Variants in ANTXR1 observed in about 807,000 individuals in gnomAD.
ANTXR1 encodes the protein anthrax toxin receptor 1.
Under a neutral mutation model 78.1 loss-of-function variants are expected in ANTXR1, and 19 were observed. The observed-to-expected ratio is 0.24, with a 90% confidence interval of 0.17 to 0.36. The LOEUF is 0.36. Ranked by LOEUF, ANTXR1 falls within the 10% of genes least tolerant of loss-of-function variation. The probability of loss-of-function intolerance (pLI) is 1.00; values close to 1 mark genes in which losing one functional copy is unlikely to be tolerated. For synonymous variants in ANTXR1, 273 were observed against 260.5 expected (o/e 1.05, Z -0.46); for missense variants, 518 against 718.6 (o/e 0.72, Z 3.19).
chr2:69,091,074 G>C (rs894149901), intron 9 of ANTXR1, among the ~76,000 whole-genome samples, 155 bp downstream of exon 9: 3 of 149,214 alleles, frequency 2.0e-5, no homozygotes, highest in African/African-American at 7.4e-5. Flanking sequence ...TTTGCTCCAA[G>C]GAGAAAAGGA....
chr2:69,228,331 G>A (rs573833383), intron 17 of ANTXR1, among the ~76,000 whole-genome samples: 2 of 152,312 alleles, frequency 1.3e-5, no homozygotes, highest in African/African-American at 2.4e-5. Context: ...TAAGTGTTGG[G>A]ACCCGTGGAA....
chr2:69,189,336 G>A (rs769620062), intron 16 of ANTXR1, among the ~76,000 whole-genome samples: 27 of 152,300 alleles, frequency 1.8e-4, no homozygotes, highest in African/African-American at 6.5e-4. Context: ...ATTGATAACA[G>A]CCCTTGAAAG....
intron 12 of ANTXR1, among the ~76,000 whole-genome samples, chr2:69,150,854 AC>A (rs1448162812): frequency 3.3e-5 from 5 of 152,000 alleles, no homozygotes; most frequent in Non-Finnish European, 7.4e-5. Flanking sequence ...CTCCATCTCT[AC>A]AAAAAACAAA....
At chr2:69,121,586 A>G (rs1281879062) in intron 10 of ANTXR1, among the ~76,000 whole-genome samples, 1 of 152,192 alleles carries the variant, frequency 6.6e-6, no homozygotes, top group Non-Finnish European at 1.5e-5. Context: ...AATGTCAGCT[A>G]TATTCTGCAG....
chr2:69,204,151 G>C (rs986060827), intron 17 of ANTXR1, among the ~76,000 whole-genome samples: 1 of 152,184 alleles, frequency 6.6e-6, no homozygotes, highest in African/African-American at 2.4e-5. Context: ...AGATCATCTC[G>C]AGGGACATTC....
intron 12 of ANTXR1, among the ~76,000 whole-genome samples, chr2:69,144,826 A>G (rs540608109): frequency 6.6e-6 from 1 of 152,338 alleles, no homozygotes; most frequent in South Asian, 2.1e-4. Flanking sequence ...GAACTACAGC[A>G]AACCCACCAG....
intron 17 of ANTXR1, among the ~76,000 whole-genome samples, chr2:69,237,317 C>A (rs1470768073): frequency 6.6e-6 from 1 of 152,148 alleles, no homozygotes; most frequent in Non-Finnish European, 1.5e-5. Flanking sequence ...AAAAGGCAGG[C>A]TATTATGAGA....
intron 10 of ANTXR1, among the ~76,000 whole-genome samples, chr2:69,111,054 C>T (rs767977825): frequency 1.3e-5 from 2 of 152,034 alleles, no homozygotes; most frequent in Non-Finnish European, 2.9e-5. Flanking sequence ...ATCATATGTC[C>T]CTGACGTAAT....
In ANTXR1 at chr2:69,152,175, G is replaced by A. The variant is rs766940480; in HGVS notation, c.958G>A (p.Gly320Ser). 3.1e-6 allele frequency: 5 copies of A among 1,613,992 alleles called. No individual in the cohort carries two copies. The highest frequency in any genetic ancestry group is 3.4e-6 in the Non-Finnish European group (4 of 1,180,008). ...CTCTCTCTTGGCCCTGCAGTCTGAC[G>A]GTTCCATCCTGGCCATCGCCCTGCT... is the stretch of plus-strand genomic sequence containing the variant. ...VIITTTHCSD[G>S]SILAIALLIL... Residue 320 changes from glycine (G) to serine (S), a missense_variant, in exon 13 of 18, where the codon GGT becomes AGT. This residue lies in a region of ANTXR1 where 264 missense variants were observed against 391.8 expected (regional missense o/e 0.67). Transcript: ENST00000303714.
At chr2:69,220,192 A>G (rs891246235) in intron 17 of ANTXR1, among the ~76,000 whole-genome samples, 1 of 152,148 alleles carries the variant, frequency 6.6e-6, no homozygotes, top group African/African-American at 2.4e-5. Flanking sequence ...GGCTGCAAAG[A>G]AACATTGGTT....
chr2:69,156,657 G>A (rs370831477), intron 13 of ANTXR1, among the ~76,000 whole-genome samples: 84 of 152,312 alleles, frequency 5.5e-4, no homozygotes, highest in African/African-American at 2.0e-3. Context: ...CATCTCACAT[G>A]GTGGGAGCAG....
intron 3 of ANTXR1, among the ~76,000 whole-genome samples, chr2:69,048,426 C>G (rs1220338247): frequency 6.6e-6 from 1 of 152,104 alleles, no homozygotes; most frequent in Non-Finnish European, 1.5e-5. Flanking sequence ...TTTAGCACCC[C>G]TATTTATAAC....
At chr2:69,234,023 G>T (rs1467683403) in intron 17 of ANTXR1, among the ~76,000 whole-genome samples, 2 of 152,052 alleles carry the variant, frequency 1.3e-5, no homozygotes, top group African/African-American at 4.8e-5. Flanking sequence ...GCTATTGATG[G>T]ATGAGAAAAC....
intron 11 of ANTXR1, among the ~76,000 whole-genome samples, chr2:69,124,123 C>A (rs1464422703): frequency 6.6e-6 from 1 of 152,292 alleles, no homozygotes; most frequent in South Asian, 2.1e-4. Context: ...TGAATGGTAA[C>A]AAAGCCACCC....
At chr2:69,187,940 A>G (rs959074412) in intron 16 of ANTXR1, among the ~76,000 whole-genome samples, 3 of 150,856 alleles carry the variant, frequency 2.0e-5, no homozygotes, top group Non-Finnish European at 2.9e-5. Flanking sequence ...TAGTGGCCTT[A>G]TAAGTTGAAC....
intron 12 of ANTXR1, among the ~76,000 whole-genome samples, chr2:69,151,610 G>A (rs759314926): frequency 3.9e-5 from 6 of 151,980 alleles, no homozygotes; most frequent in South Asian, 2.1e-4. Context: ...GTAGCCCCTC[G>A]CCTCCCAGGT....
In ANTXR1 at chr2:69,091,118, TA is replaced by T. The variant is rs199910182; in HGVS notation, c.703+217del. On this transcript the variant is annotated intron_variant, in intron 9 of 17. Transcript: ENST00000303714. ...AGCCACATGTCAGTTGTTTGGAAGTTAAAAAAAAAAAAAAAAAATCTGTCCA... is the reference window on the plus strand; with the variant it reads ...AGCCACATGTCAGTTGTTTGGAAGTTAAAAAAAAAAAAAAAAATCTGTCCA... Among the ~76,000 whole-genome samples the T allele has an allele frequency of 0.21, 29,045 of 138,890 alleles. 3,119 individuals are homozygous for T. The highest frequency in any genetic ancestry group is 0.27 in the South Asian group (1,168 of 4,292). 91.1% of individuals were successfully genotyped at this position (138,890 alleles called of 152,430 possible). A position where few individuals can be genotyped will look rare whatever the true frequency, so the allele number is the denominator to read the frequency against.
In ANTXR1 at chr2:69,077,392, T is replaced by A; in HGVS notation, c.562-16T>A. The A allele has an allele frequency of 6.2e-7, 1 of 1,614,086 alleles. No individual in the cohort carries two copies. Among genetic ancestry groups the A allele is most frequent in the Non-Finnish European group, 8.5e-7 (1 of 1,179,946 alleles). ...AACAGTCTCCCCATGTGTTTGTGTA[T>A]TTGCTGTGTTCTCAGCTGGCCCGGA... On this transcript the variant is annotated splice_polypyrimidine_tract_variant and intron_variant, in intron 7 of 17. Transcript: ENST00000303714.
chr2:69,065,673 T>C lies in ANTXR1; in HGVS notation c.297-4974T>C, dbSNP rs563742258. 7.9e-4 allele frequency among the ~76,000 whole-genome samples: 121 copies of C among 152,346 alleles called. 1 individual carries two copies. The highest frequency in any genetic ancestry group is 2.7e-3 in the African/African-American group (114 of 41,572). On this transcript the variant is annotated intron_variant, in intron 3 of 17. Coordinates refer to ENST00000303714, the MANE Select transcript of ANTXR1 (RefSeq NM_032208.3). Reference sequence around the variant, plus strand: ...AGGAGCTTTGGTTCAGCATGCATCTTGATATTATGTTAATCATTTTGGCCT... The same window carrying C: ...AGGAGCTTTGGTTCAGCATGCATCTCGATATTATGTTAATCATTTTGGCCT...
Sources: gnomAD v4.1 joint callset for allele counts (sites outside exome capture counted in the v4.1 genomes callset) on GRCh38, gnomAD v4.1.1 for gene constraint, gnomAD v4.1.1 regional missense constraint, MANE v1.5 for transcripts, NCBI Gene and HGNC (gene_info 2026-07-23, HGNC 2026-07-21) for gene names.